The following DPP10 variants were observed in gnomAD, a reference collection of about 807,000 sequenced individuals.
DPP10 encodes inactive dipeptidyl peptidase 10.
DPP10 carries 33 observed loss-of-function variants against 120.9 expected under a neutral mutation model. That is an observed-to-expected ratio of 0.27 (90% CI 0.21 to 0.37). DPP10 has a LOEUF of 0.37. Among genes scored for constraint, DPP10 ranks in the 10% least tolerant of loss-of-function variants. The probability of loss-of-function intolerance (pLI) is 1.00; values close to 1 mark genes in which losing one functional copy is unlikely to be tolerated. For synonymous variants in DPP10, 337 were observed against 326.1 expected (o/e 1.03, Z -0.36); for missense variants, 816 against 942.8 (o/e 0.87, Z 1.76).
intron 1 of DPP10, among the ~76,000 whole-genome samples, chr2:115,301,900 T>A (rs1228520458): frequency 1.3e-5 from 2 of 152,058 alleles, no homozygotes; most frequent in Non-Finnish European, 2.9e-5. Context: ...ATTTTGTTTC[T>A]AATTTACTGT....
At position 115,453,953 on chromosome 2, in the gene DPP10, A is replaced by G. The variant is rs142674011; in HGVS notation, c.272-45557A>G. Among the ~76,000 whole-genome samples, 1,277 of 151,548 alleles carry G rather than the reference A, an allele frequency of 8.4e-3. 10 individuals are homozygous for G. Among genetic ancestry groups the G allele is most frequent in the Non-Finnish European group, 0.014 (920 of 67,608 alleles). On this transcript the variant is annotated intron_variant, in intron 3 of 25. Coordinates refer to ENST00000410059, the MANE Select transcript of DPP10 (RefSeq NM_020868.6). Reference sequence around the variant, plus strand: ...AAAGACATTTTAATATATTATAAAAATGTTATTATAATAATTTAGATAACT... The same window carrying G: ...AAAGACATTTTAATATATTATAAAAGTGTTATTATAATAATTTAGATAACT...
intron 1 of DPP10, among the ~76,000 whole-genome samples, chr2:115,108,072 G>C (rs1418793407): frequency 6.6e-6 from 1 of 152,088 alleles, no homozygotes; most frequent in Admixed American, 6.5e-5. Context: ...TCATGGTACT[G>C]GTTTTCACTT....
At chr2:114,906,510 C>G (rs547835383) in intron 1 of DPP10, among the ~76,000 whole-genome samples, 1 of 152,046 alleles carries the variant, frequency 6.6e-6, no homozygotes, top group Non-Finnish European at 1.5e-5. Context: ...TTCACAGACA[C>G]CTTTTATTAG....
intron 5 of DPP10, among the ~76,000 whole-genome samples, chr2:115,673,487 C>G (rs1487268161): frequency 6.6e-6 from 1 of 152,140 alleles, no homozygotes; most frequent in African/African-American, 2.4e-5. Flanking sequence ...TAAGAGTACC[C>G]AGATAATTGA....
chr2:115,543,894 T>A (rs1383585483), intron 5 of DPP10, among the ~76,000 whole-genome samples: 19 of 152,056 alleles, frequency 1.2e-4, no homozygotes, highest in Admixed American at 1.2e-3. Flanking sequence ...GTAGTCATTG[T>A]GTTAATTTCA....
chr2:115,109,520 G>A (rs1220141594), intron 1 of DPP10, among the ~76,000 whole-genome samples: 1 of 150,214 alleles, frequency 6.7e-6, no homozygotes, highest in East Asian at 2.0e-4. Flanking sequence ...TGGCAACAGA[G>A]CGAGACTCCG....
intron 5 of DPP10, among the ~76,000 whole-genome samples, chr2:115,639,942 A>C (rs926776399): frequency 1.3e-5 from 2 of 151,394 alleles, no homozygotes; most frequent in Admixed American, 6.6e-5. Flanking sequence ...ATTTTTTTTT[A>C]ACTGACTCAT....
intron 1 of DPP10, among the ~76,000 whole-genome samples, chr2:114,662,212 C>T (rs1697465532): frequency 6.6e-6 from 1 of 152,120 alleles, no homozygotes; most frequent in African/African-American, 2.4e-5. Flanking sequence ...GCGGAGGTCG[C>T]ACAGTGTCCT....
In DPP10 at chr2:115,790,022, G is replaced by A. The variant is rs1683769506; in HGVS notation, c.1532-1059G>A. The stretch of plus-strand genomic sequence containing the variant: ...ACATGGATATATGTGTGTACAATAT[G>A]TATATATGCAAACATATATGTGAAT... On this transcript the variant is annotated intron_variant, in intron 17 of 25. Coordinates refer to ENST00000410059, the MANE Select transcript of DPP10 (RefSeq NM_020868.6). Among the ~76,000 whole-genome samples, 4 of 151,230 alleles carry A rather than the reference G, an allele frequency of 2.6e-5. No homozygotes were observed. In the South Asian group the frequency reaches 8.4e-4, roughly 32 times the overall value.
chr2:115,696,056 A>G (rs1359075138), intron 7 of DPP10, among the ~76,000 whole-genome samples: 4 of 152,108 alleles, frequency 2.6e-5, no homozygotes, highest in Non-Finnish European at 5.9e-5. Context: ...ATGATTGAGT[A>G]TTAGGAACAT....
At chr2:114,734,961 C>T (rs958448176) in intron 1 of DPP10, among the ~76,000 whole-genome samples, 2 of 152,184 alleles carry the variant, frequency 1.3e-5, no homozygotes, top group African/African-American at 4.8e-5. Flanking sequence ...TAGCTCATAG[C>T]TGGCCACCTT....
At chr2:115,766,310 G>GTATATATATATATATA (rs1221483510) in intron 12 of DPP10, among the ~76,000 whole-genome samples, 1 of 81,738 alleles carries the variant, frequency 1.2e-5, no homozygotes, top group African/African-American at 4.3e-5. Flanking sequence ...GTGTGTGTGT[G>GTATATATATATATATA]TATATATATA....
intron 1 of DPP10, among the ~76,000 whole-genome samples, chr2:114,819,092 AC>A (rs895266215): frequency 3.0e-4 from 45 of 152,256 alleles, no homozygotes; most frequent in African/African-American, 9.6e-4. Context: ...TTAGGCGATT[AC>A]AAGAACACAA....
chr2:115,006,708 A>G (rs1465227211), intron 1 of DPP10, among the ~76,000 whole-genome samples: 2 of 151,906 alleles, frequency 1.3e-5, no homozygotes, highest in African/African-American at 4.8e-5. Context: ...GAGCACCCAG[A>G]TTCATAAAGC....
intron 3 of DPP10, among the ~76,000 whole-genome samples, chr2:115,408,348 A>G (rs571499767): frequency 6.4e-4 from 97 of 152,150 alleles, no homozygotes; most frequent in Non-Finnish European, 2.2e-4. Flanking sequence ...TCAGCTGGGA[A>G]AAGGGCAGGC....
intron 3 of DPP10, among the ~76,000 whole-genome samples, chr2:115,346,038 T>A (rs1232574502): frequency 6.6e-6 from 1 of 152,210 alleles, no homozygotes; most frequent in Admixed American, 6.5e-5. Context: ...GCAGTCTTTA[T>A]AAATACCATT....
chr2:115,304,617 C>A (rs1483749641), intron 1 of DPP10, among the ~76,000 whole-genome samples: 1 of 151,846 alleles, frequency 6.6e-6, no homozygotes, highest in Non-Finnish European at 1.5e-5. Context: ...GATTATATTT[C>A]TTTTCAGAAT....
intron 1 of DPP10, among the ~76,000 whole-genome samples, chr2:115,190,305 TG>T (rs2054776100): frequency 6.6e-6 from 1 of 152,036 alleles, no homozygotes; most frequent in Non-Finnish European, 1.5e-5. Flanking sequence ...TATGTAAACA[TG>T]GGGGTCAAAG....
chr2:115,595,219 G>A (rs992916651), intron 5 of DPP10, among the ~76,000 whole-genome samples: 7 of 151,912 alleles, frequency 4.6e-5, no homozygotes, highest in African/African-American at 1.7e-4. Context: ...ATAAAGATAC[G>A]AAGACAACTG....
Sources: allele counts gnomAD v4.1 joint callset (sites outside exome capture counted in the v4.1 genomes callset), GRCh38; gene constraint gnomAD v4.1.1; transcripts MANE v1.5; gene names NCBI Gene and HGNC (gene_info 2026-07-23, HGNC 2026-07-21).